The following YME1L1 variants were observed in gnomAD, a reference collection of about 807,000 sequenced individuals.
YME1L1 encodes the protein YME1 like 1 ATPase, also known as ATP-dependent zinc metalloprotease YME1L1.
A neutral mutation model predicts 90.4 loss-of-function variants in YME1L1; 39 were observed. That is an observed-to-expected ratio of 0.43 (90% CI 0.33 to 0.56). The LOEUF (loss-of-function observed/expected upper bound fraction) is 0.56, where lower values mean the gene tolerates loss of function less well. Among genes scored for constraint, YME1L1 ranks in the 20% least tolerant of loss-of-function variants. The probability of loss-of-function intolerance (pLI) is 0.03; values close to 1 mark genes in which losing one functional copy is unlikely to be tolerated. For missense variants in YME1L1, 617 were observed against 868.4 expected (o/e 0.71, Z 3.64); for synonymous variants, 284 against 287.3 (o/e 0.99, Z 0.12).
In YME1L1 at chr10:27,121,403, G is replaced by A. The variant is rs1272885054; in HGVS notation, c.1281C>T (p.Phe427=). The A allele has an allele frequency of 1.9e-6, 3 of 1,607,102 alleles. No individual in the cohort carries two copies. In the African/African-American group the frequency reaches 4.0e-5, roughly 21 times the overall value. Residue 427 remains phenylalanine, a synonymous_variant, in exon 12 of 19, where the codon TTC becomes TTT. Transcript: ENST00000376016. ...EGVIIIGATN[F]PEALDNALIR... Reference sequence around the variant, plus strand: ...ATACTTACTTATCTAATGCCTCTGGGAAGTTTGTGGCTCCTATTATGATAA... The same window carrying A: ...ATACTTACTTATCTAATGCCTCTGGAAAGTTTGTGGCTCCTATTATGATAA...
chr10:27,145,395 T>C (rs376041536), intron 3 of YME1L1, 33 bp downstream of exon 3: 1 of 1,527,902 alleles, frequency 6.5e-7, no homozygotes, highest in African/African-American at 1.4e-5. Flanking sequence ...AGTGCTAAAA[T>C]ATTTAATTGG....
Position 27,119,426 on chromosome 10 carries a change from G to A in YME1L1, c.1435C>T (p.Arg479Ter), listed in dbSNP as rs1033528511. 3 of 1,610,628 alleles carry A rather than the reference G, an allele frequency of 1.9e-6. No individual in the cohort carries two copies. Among genetic ancestry groups the A allele is most frequent in the African/African-American group, 1.3e-5 (1 of 74,584 alleles). ...GCTCCGGAAAAGCCAACAGTACCTC[G>A]AGCTATAATTTCTGGATCAACGGCT... ...DQSVDPEIIARGTVGFSGAEL... is the reference protein window; with the variant it reads ...DQSVDPEIIA The change falls in exon 14 of 19, where the codon CGA becomes TGA. Residue 479 changes from arginine to a stop codon, truncating the protein, a stop_gained. Coordinates refer to ENST00000376016, the MANE Select transcript of YME1L1 (RefSeq NM_014263.4). LOFTEE classifies it high-confidence loss of function.
chr10:27,141,169 C>T (rs1341186946), intron 4 of YME1L1, among the ~76,000 whole-genome samples: 1 of 152,036 alleles, frequency 6.6e-6, no homozygotes. Context: ...CCAAGGCAGG[C>T]GGATCACCTA....
At chr10:27,122,488 T>C (rs1461011027) in intron 11 of YME1L1, among the ~76,000 whole-genome samples, 2 of 152,230 alleles carry the variant, frequency 1.3e-5, no homozygotes, top group Non-Finnish European at 2.9e-5. Flanking sequence ...AAGTTAGTCA[T>C]AAATTATGTA....
At chr10:27,141,358 GA>G (rs1268220039) in intron 4 of YME1L1, among the ~76,000 whole-genome samples, 5 of 152,052 alleles carry the variant, frequency 3.3e-5, no homozygotes, top group African/African-American at 1.2e-4. Context: ...GTCACAAGAG[GA>G]AAACTCCATC....
intron 12 of YME1L1, 61 bp from the exon 13 acceptor site, chr10:27,120,608 G>C (rs1053865872): frequency 9.5e-6 from 13 of 1,361,670 alleles, no homozygotes; most frequent in Non-Finnish European, 1.3e-5. Flanking sequence ...AATTCAACAG[G>C]ACTGACACCC....
At chr10:27,131,770 T>C in intron 8 of YME1L1, 89 bp downstream of exon 8, 1 of 970,844 alleles carries the variant, frequency 1.0e-6, no homozygotes, top group Non-Finnish European at 1.5e-6. Flanking sequence ...TTACCTATTC[T>C]AGAATACACT....
chr10:27,125,783 G>A (rs1231690770), intron 9 of YME1L1, among the ~76,000 whole-genome samples: 1 of 151,934 alleles, frequency 6.6e-6, no homozygotes, highest in Non-Finnish European at 1.5e-5. Context: ...TGGGATTACA[G>A]GCGCCTGCCA....
In YME1L1 at chr10:27,111,585, A is replaced by T. The variant is rs2056759323; in HGVS notation, c.*392T>A. The T allele has an allele frequency of 3.8e-6, 1 of 262,588 alleles. No homozygotes were observed. The highest frequency in any genetic ancestry group is 2.3e-5 in the African/African-American group (1 of 43,978). The allele number at this position is 262,588 out of a possible 1,614,324, so 16.3% of individuals were successfully genotyped here. A position where few individuals can be genotyped will look rare whatever the true frequency, so the allele number is the denominator to read the frequency against. Reference sequence around the variant, plus strand: ...TTAAAAAATATTTTATTCATGGTCAATCTGGAACATAATTACTGCATCTTA... The same window carrying T: ...TTAAAAAATATTTTATTCATGGTCATTCTGGAACATAATTACTGCATCTTA... On this transcript the variant is annotated 3_prime_UTR_variant, in exon 19 of 19. Coordinates refer to ENST00000376016, the MANE Select transcript of YME1L1 (RefSeq NM_014263.4).
intron 11 of YME1L1, among the ~76,000 whole-genome samples, chr10:27,122,555 C>G (rs2056877670): frequency 6.6e-6 from 1 of 152,062 alleles, no homozygotes; most frequent in Non-Finnish European, 1.5e-5. Context: ...CATTGTTTTT[C>G]TGTCATAAGT....
chr10:27,143,757 C>T (rs1305036001), intron 3 of YME1L1, among the ~76,000 whole-genome samples: 1 of 146,168 alleles, frequency 6.8e-6, no homozygotes, highest in Non-Finnish European at 1.5e-5. Flanking sequence ...TAGTTAAGAA[C>T]ATAAAGAGAT....
chr10:27,113,621 G>A (rs1202361547), intron 18 of YME1L1, among the ~76,000 whole-genome samples: 14 of 148,550 alleles, frequency 9.4e-5, no homozygotes, highest in South Asian at 2.1e-4. Context: ...GCAATGAGCC[G>A]AGATAGCACT....
chr10:27,113,151 C>T (rs910067090), intron 18 of YME1L1, among the ~76,000 whole-genome samples: 21 of 133,376 alleles, frequency 1.6e-4, no homozygotes, highest in Non-Finnish European at 9.3e-5. Flanking sequence ...GCTTGGGAGA[C>T]AGAGGTTGCA....
At chr10:27,133,303 T>C (rs951058784) in intron 7 of YME1L1, among the ~76,000 whole-genome samples, 2 of 152,202 alleles carry the variant, frequency 1.3e-5, no homozygotes, top group African/African-American at 4.8e-5. Context: ...GGAGAACTAT[T>C]ACAAGGATTT....
In YME1L1 at chr10:27,110,720, C is replaced by G. The variant is rs2056751197; in HGVS notation, c.*1257G>C. The G allele has an allele frequency of 6.6e-6, 1 of 151,730 alleles. No individual in the cohort carries two copies. Among genetic ancestry groups the G allele is most frequent in the African/African-American group, 2.4e-5 (1 of 41,264 alleles). 9.4% of individuals were successfully genotyped at this position (151,730 alleles called of 1,614,324 possible). A position where few individuals can be genotyped will look rare whatever the true frequency, so the allele number is the denominator to read the frequency against. ...TTTTGAAACCAAGCACAGTTATAGT[C>G]AAAATGAGGGACATTATTCAGAATG... On this transcript the variant is annotated 3_prime_UTR_variant, in exon 19 of 19. Coordinates refer to ENST00000376016, the MANE Select transcript of YME1L1 (RefSeq NM_014263.4).
chr10:27,117,553 G>A, intron 15 of YME1L1, 23 bp downstream of exon 15: 1 of 1,610,546 alleles, frequency 6.2e-7, no homozygotes, highest in African/African-American at 1.3e-5. Flanking sequence ...GGGTGACAGG[G>A]CGAGACACTA....
In YME1L1 at chr10:27,147,413, G is replaced by A; in HGVS notation, c.168+1493C>T. The stretch of plus-strand genomic sequence containing the variant: ...AGGCTGATGGAACAAGTGAAAGATG[G>A]CAAGAACCTGAACTAAGCCGTGACT... On this transcript the variant is annotated intron_variant, in intron 2 of 18. Transcript: ENST00000376016. 2.5e-6 allele frequency: 4 copies of A among 1,607,134 alleles called. No individual in the cohort carries two copies. The South Asian group carries it at 3.3e-5, about 13-fold the overall frequency.
intron 4 of YME1L1, among the ~76,000 whole-genome samples, chr10:27,138,938 A>G (rs2057056830): frequency 6.6e-6 from 1 of 152,062 alleles, no homozygotes; most frequent in Non-Finnish European, 1.5e-5. Flanking sequence ...CAGGAAGCAC[A>G]GCAATTAAAA....
intron 7 of YME1L1, among the ~76,000 whole-genome samples, chr10:27,132,593 G>A (rs997415747): frequency 3.3e-5 from 5 of 151,752 alleles, no homozygotes; most frequent in East Asian, 1.9e-4. Flanking sequence ...AGGCTGAGGC[G>A]GGCAGATCGC....
Sources: gnomAD v4.1 joint callset for allele counts (sites outside exome capture counted in the v4.1 genomes callset) on GRCh38, gnomAD v4.1.1 for gene constraint, MANE v1.5 for transcripts, NCBI Gene and HGNC (gene_info 2026-07-23, HGNC 2026-07-21) for gene names.